The following CTNNA2 variants were observed in gnomAD, a reference collection of about 807,000 sequenced individuals.
CTNNA2 encodes the protein catenin alpha 2.
A neutral mutation model predicts 101.0 loss-of-function variants in CTNNA2; 42 were observed. That is an observed-to-expected ratio of 0.42 (90% CI 0.32 to 0.54). The LOEUF (loss-of-function observed/expected upper bound fraction) is 0.54, where lower values mean the gene tolerates loss of function less well. Ranked by LOEUF, CTNNA2 falls within the 20% of genes least tolerant of loss-of-function variation. The pLI, the probability that CTNNA2 is intolerant of heterozygous loss-of-function variation, is 0.14. For synonymous variants in CTNNA2, 450 were observed against 456.4 expected (o/e 0.99, Z 0.18); for missense variants, 871 against 1,223.1 (o/e 0.71, Z 4.29).
chr2:80,384,584 C>T (rs182018550), intron 7 of CTNNA2, among the ~76,000 whole-genome samples: 21 of 151,394 alleles, frequency 1.4e-4, no homozygotes, highest in African/African-American at 1.5e-4. Flanking sequence ...CTGTGGCATT[C>T]GAGATCTCCA....
intron 3 of CTNNA2, among the ~76,000 whole-genome samples, chr2:79,330,802 T>G (rs1676854231): frequency 6.6e-6 from 1 of 152,210 alleles, no homozygotes; most frequent in African/African-American, 2.4e-5. Flanking sequence ...CCACCATGAT[T>G]GTGAGGCCTC....
At chr2:79,435,968 G>T (rs144604153) in intron 4 of CTNNA2, among the ~76,000 whole-genome samples, 1 of 152,236 alleles carries the variant, frequency 6.6e-6, no homozygotes, top group Non-Finnish European at 1.5e-5. Flanking sequence ...TAGAAAGTCT[G>T]AATAAGTAGT....
intron 1 of CTNNA2, among the ~76,000 whole-genome samples, chr2:79,587,977 A>T (rs529964468): frequency 6.6e-6 from 1 of 152,264 alleles, no homozygotes; most frequent in African/African-American, 2.4e-5. Context: ...TCCTAGATTC[A>T]TGATTGATGG....
chr2:80,181,678 A>G (rs1705789560), intron 7 of CTNNA2, among the ~76,000 whole-genome samples: 1 of 152,192 alleles, frequency 6.6e-6, no homozygotes, highest in African/African-American at 2.4e-5. Flanking sequence ...CACTTTGTCT[A>G]GTGAACTAGG....
At chr2:80,275,259 G>C (rs1009083343) in intron 7 of CTNNA2, among the ~76,000 whole-genome samples, 8 of 152,128 alleles carry the variant, frequency 5.3e-5, no homozygotes, top group African/African-American at 1.9e-4. Context: ...CAAAAGGCAA[G>C]GCAATCATCA....
intron 7 of CTNNA2, among the ~76,000 whole-genome samples, chr2:80,150,014 C>T (rs1231660000): frequency 6.6e-6 from 1 of 152,172 alleles, no homozygotes; most frequent in African/African-American, 2.4e-5. Context: ...CTTCTTGGGT[C>T]TTGTGCTGGT....
intron 7 of CTNNA2, among the ~76,000 whole-genome samples, chr2:79,930,457 C>T (rs1217099072): frequency 2.6e-5 from 4 of 152,094 alleles, no homozygotes; most frequent in Non-Finnish European, 1.5e-5. Flanking sequence ...GCCTTTGTTC[C>T]TGGAGACAGT....
At chr2:79,445,045 C>G (rs930043320) in intron 4 of CTNNA2, among the ~76,000 whole-genome samples, 2 of 152,046 alleles carry the variant, frequency 1.3e-5, no homozygotes, top group African/African-American at 4.8e-5. Context: ...TACACTTTGC[C>G]AAATAAAGGG....
rs895238438 is a variant in CTNNA2, at chr2:79,340,994, C to A, written c.-318+28198C>A. 2.0e-5 allele frequency among the ~76,000 whole-genome samples: 3 copies of A among 151,128 alleles called. No individual in the cohort carries two copies. In the South Asian group the frequency reaches 6.3e-4, roughly 32 times the overall value. On this transcript the variant is annotated intron_variant, in intron 3 of 21. Coordinates refer to the CTNNA2 transcript ENST00000466387. ...TTGAGTGATAAATATTATAAAATGG[C>A]TATCATGTACAATAAATATGTTAAA... is the stretch of plus-strand genomic sequence containing the variant.
intron 2 of CTNNA2, among the ~76,000 whole-genome samples, chr2:79,214,668 G>C (rs1344868823): frequency 1.3e-5 from 2 of 152,034 alleles, no homozygotes; most frequent in African/African-American, 4.8e-5. Context: ...GGGTAAGGTG[G>C]GGGGATACGA....
intron 3 of CTNNA2, among the ~76,000 whole-genome samples, chr2:79,804,684 A>C (rs1676431499): frequency 6.6e-6 from 1 of 152,144 alleles, no homozygotes; most frequent in Non-Finnish European, 1.5e-5. Flanking sequence ...AAAATGAGAA[A>C]ATATACATAA....
intron 7 of CTNNA2, among the ~76,000 whole-genome samples, chr2:80,146,718 T>TTTG (rs1558851289): frequency 2.0e-4 from 18 of 90,656 alleles, no homozygotes; most frequent in Admixed American, 4.3e-4. Flanking sequence ...TGGTTTTTTT[T>TTTG]TTTTTTTTTT....
intron 4 of CTNNA2, among the ~76,000 whole-genome samples, chr2:79,415,099 T>C (rs1273967931): frequency 6.6e-6 from 1 of 152,138 alleles, no homozygotes; most frequent in African/African-American, 2.4e-5. Flanking sequence ...TGATCCTCAG[T>C]GTTGGAAATG....
intron 3 of CTNNA2, among the ~76,000 whole-genome samples, chr2:79,313,664 A>G (rs1240916521): frequency 6.6e-6 from 1 of 152,088 alleles, no homozygotes; most frequent in Non-Finnish European, 1.5e-5. Context: ...CAAGAGCTCA[A>G]CTCAAGGAAG....
At chr2:80,532,674 AT>A (rs1283807805) in intron 9 of CTNNA2, among the ~76,000 whole-genome samples, 1 of 152,150 alleles carries the variant, frequency 6.6e-6, no homozygotes, top group Non-Finnish European at 1.5e-5. Flanking sequence ...GGTTTCAGGT[AT>A]CTGCTGAGGT....
At chr2:79,737,051 G>A (rs1180094582) in intron 2 of CTNNA2, among the ~76,000 whole-genome samples, 1 of 152,134 alleles carries the variant, frequency 6.6e-6, no homozygotes, top group African/African-American at 2.4e-5. Flanking sequence ...GGGTTTACCT[G>A]TTAAAAGTCA....
chr2:80,369,885 A>G (rs1675287343), intron 7 of CTNNA2, among the ~76,000 whole-genome samples: 1 of 152,118 alleles, frequency 6.6e-6, no homozygotes, highest in Non-Finnish European at 1.5e-5. Flanking sequence ...CTCTTCTAGC[A>G]CCTCCAGAAA....
chr2:80,605,358 A>G (rs1363442991), intron 16 of CTNNA2: 1 of 152,022 alleles, frequency 6.6e-6, no homozygotes, highest in Non-Finnish European at 1.5e-5. Context: ...GGATTGTATC[A>G]TAAAATATAA....
Position 79,744,515 on chromosome 2 carries a change from G to C in CTNNA2, c.231G>C (p.Gln77His), listed in dbSNP as rs748517537. The change falls in exon 3 of 19, where the codon CAG (glutamine) becomes CAC (histidine). Residue 77 changes from glutamine to histidine, a missense_variant. By Grantham distance (24) the Gln-to-His change is conservative (BLOSUM62 0). This residue lies in a region of CTNNA2 where 647 missense variants were observed against 831.5 expected (regional missense o/e 0.78). Coordinates refer to ENST00000402739, the MANE Select transcript of CTNNA2 (RefSeq NM_001282597.3). ...AGAATTTCCTGGAAAAGGGTGAACA[G>C]ATCGCTAAGGAGAGTCAAGATCTCA... ...ATQNFLEKGE[Q>H]IAKESQDLKE... 8.7e-6 allele frequency: 14 copies of C among 1,614,096 alleles called. No homozygotes were observed. The Admixed American group carries it at 2.2e-4, about 25-fold the overall frequency.
Sources: gnomAD v4.1 joint callset for allele counts (sites outside exome capture counted in the v4.1 genomes callset) on GRCh38, gnomAD v4.1.1 for gene constraint, gnomAD v4.1.1 regional missense constraint, MANE v1.5 for transcripts, NCBI Gene and HGNC (gene_info 2026-07-23, HGNC 2026-07-21) for gene names.